Variants in ADAMTS20 observed in about 807,000 individuals in gnomAD.
ADAMTS20 encodes ADAM metallopeptidase with thrombospondin type 1 motif 20.
Under a neutral mutation model 260.1 loss-of-function variants are expected in ADAMTS20, and 225 were observed. That is an observed-to-expected ratio of 0.87 (90% confidence interval 0.78 to 0.97). The LOEUF (loss-of-function observed/expected upper bound fraction) is 0.97, where lower values mean the gene tolerates loss of function less well. ADAMTS20 is among the 50% of genes least tolerant of loss of function. The pLI, the probability that ADAMTS20 is intolerant of heterozygous loss-of-function variation, is 0.00. For missense variants in ADAMTS20, 2,400 were observed against 2,337.7 expected (o/e 1.03, Z -0.55); for synonymous variants, 802 against 769.5 (o/e 1.04, Z -0.70).
chr12:43,523,360 C>T (rs1470670411), intron 3 of ADAMTS20, among the ~76,000 whole-genome samples: 1 of 152,124 alleles, frequency 6.6e-6, no homozygotes, highest in Non-Finnish European at 1.5e-5. Flanking sequence ...GGAAGTTCTG[C>T]CAATTAACTC....
intron 37 of ADAMTS20, among the ~76,000 whole-genome samples, chr12:43,362,170 AAG>A (rs2137187100): frequency 6.6e-6 from 1 of 152,338 alleles, no homozygotes; most frequent in South Asian, 2.1e-4. Context: ...ATCTCCATTT[AAG>A]AGAGTTGAAA....
chr12:43,433,327 T>A (rs931351603), intron 19 of ADAMTS20, among the ~76,000 whole-genome samples: 16 of 152,092 alleles, frequency 1.1e-4, no homozygotes, highest in African/African-American at 3.6e-4. Flanking sequence ...CAAGTAAAAA[T>A]GTTAGTTATA....
chr12:43,485,700 C>T (rs1393705129), intron 7 of ADAMTS20, among the ~76,000 whole-genome samples: 1 of 152,096 alleles, frequency 6.6e-6, no homozygotes, highest in African/African-American at 2.4e-5. Flanking sequence ...ACTCCTAGAT[C>T]TGATAAATGA....
At chr12:43,514,934 T>C (rs1942978435) in intron 3 of ADAMTS20, among the ~76,000 whole-genome samples, 1 of 152,226 alleles carries the variant, frequency 6.6e-6, no homozygotes, top group African/African-American at 2.4e-5. Context: ...GAACATGGCA[T>C]AACGCTATTA....
At chr12:43,360,795 G>C (rs572998064) in intron 37 of ADAMTS20, among the ~76,000 whole-genome samples, 16 of 151,520 alleles carry the variant, frequency 1.1e-4, no homozygotes, top group South Asian at 2.1e-4. Context: ...TAATCGAAAG[G>C]GTAGATCTTA....
At chr12:43,503,910 A>G (rs1942803938) in intron 3 of ADAMTS20, among the ~76,000 whole-genome samples, 1 of 152,176 alleles carries the variant, frequency 6.6e-6, no homozygotes, top group Admixed American at 6.6e-5. Context: ...TTTTATGACT[A>G]CATAATATTC....
chr12:43,493,051 A>T, intron 5 of ADAMTS20, 119 bp downstream of exon 5: 3 of 726,576 alleles, frequency 4.1e-6, no homozygotes, highest in South Asian at 1.7e-5. Context: ...TTCCTTCTCA[A>T]ATCAAGTCTT....
At position 43,383,609 on chromosome 12, in the gene ADAMTS20, A is replaced by T; in HGVS notation, c.4746T>A (p.Asn1582Lys). 1 of 1,613,714 alleles carries T rather than the reference A, an allele frequency of 6.2e-7. No homozygotes were observed. Among genetic ancestry groups the T allele is most frequent in the Non-Finnish European group, 8.5e-7 (1 of 1,179,780 alleles). The part of the protein sequence containing the change: ...NSSTISLTSK[N>K]CRNPPCNYIV... ...TGTAATTGCAAGGAGGGTTCCTGCA[A>T]TTCTTGGATGTAAGAGATATGGTTG... Residue 1582 changes from asparagine to lysine, a missense_variant, in exon 31 of 39, where the codon AAT (asparagine) becomes AAA (lysine). Physicochemically the swap from Asn to Lys is moderately conservative, Grantham distance 94. Coordinates refer to ENST00000389420, the MANE Select transcript of ADAMTS20 (RefSeq NM_025003.5).
At chr12:43,468,799 T>C (rs1942201404) in intron 7 of ADAMTS20, 94 bp from the exon 8 acceptor site, 4 of 697,744 alleles carry the variant, frequency 5.7e-6, no homozygotes, top group African/African-American at 1.8e-5. Flanking sequence ...TTGATGTTAT[T>C]ACTTAGAAAA....
chr12:43,450,039 C>A (rs1310116758), intron 14 of ADAMTS20, among the ~76,000 whole-genome samples: 1 of 152,102 alleles, frequency 6.6e-6, no homozygotes, highest in African/African-American at 2.4e-5. Flanking sequence ...CATTAGAATA[C>A]TCCAAAAAGA....
intron 3 of ADAMTS20, among the ~76,000 whole-genome samples, chr12:43,506,162 G>C (rs565906929): frequency 7.8e-6 from 1 of 127,740 alleles, no homozygotes; most frequent in South Asian, 2.8e-4. Flanking sequence ...CAACAACAAA[G>C]GAAGGACATG....
chr12:43,518,637 C>A (rs1237365533), intron 3 of ADAMTS20, among the ~76,000 whole-genome samples: 3 of 151,856 alleles, frequency 2.0e-5, no homozygotes, highest in Admixed American at 6.6e-5. Flanking sequence ...AAGCCTAAAC[C>A]CCTCTACTGA....
chr12:43,401,437 C>T (rs1238886549), intron 28 of ADAMTS20, among the ~76,000 whole-genome samples: 1 of 151,854 alleles, frequency 6.6e-6, no homozygotes, highest in Non-Finnish European at 1.5e-5. Context: ...AGGTTAAATT[C>T]CAAATTCTAA....
chr12:43,499,163 T>C (rs1357421393), intron 4 of ADAMTS20, among the ~76,000 whole-genome samples: 3 of 152,170 alleles, frequency 2.0e-5, no homozygotes, highest in South Asian at 2.1e-4. Flanking sequence ...ACCCCACTTA[T>C]ATTTGGAATG....
intron 2 of ADAMTS20, among the ~76,000 whole-genome samples, chr12:43,537,217 T>C (rs1374374881): frequency 8.3e-6 from 1 of 119,784 alleles, no homozygotes; most frequent in Non-Finnish European, 1.8e-5. Context: ...ATTTTGAAGG[T>C]TTTTTTTTTG....
chr12:43,491,284 G>T (rs1449286829), intron 6 of ADAMTS20, among the ~76,000 whole-genome samples: 1 of 152,056 alleles, frequency 6.6e-6, no homozygotes, highest in African/African-American at 2.4e-5. Context: ...ATACCATATT[G>T]CCTTGGTGTG....
intron 28 of ADAMTS20, among the ~76,000 whole-genome samples, chr12:43,416,814 G>A (rs1035388357): frequency 1.3e-4 from 20 of 152,206 alleles, no homozygotes; most frequent in African/African-American, 3.1e-4. Flanking sequence ...GAGCCACCGC[G>A]CCCGGCCAAA....
intron 3 of ADAMTS20, among the ~76,000 whole-genome samples, chr12:43,510,181 C>T (rs1421645778): frequency 1.3e-5 from 2 of 151,984 alleles, no homozygotes; most frequent in Non-Finnish European, 2.9e-5. Context: ...GTAGTTTAAT[C>T]CCAGTTTTGT....
chr12:43,412,546 G>A (rs1160010922), intron 28 of ADAMTS20, among the ~76,000 whole-genome samples: 1 of 151,924 alleles, frequency 6.6e-6, no homozygotes, highest in Non-Finnish European at 1.5e-5. Flanking sequence ...GCAGAGACAA[G>A]AAAGTTCTCC....
Sources: gnomAD v4.1 joint callset for allele counts (sites outside exome capture counted in the v4.1 genomes callset) on GRCh38, gnomAD v4.1.1 for gene constraint, MANE v1.5 for transcripts, NCBI Gene and HGNC (gene_info 2026-07-23, HGNC 2026-07-21) for gene names.